The following DNAH7 variants were observed in gnomAD, a reference collection of about 807,000 sequenced individuals.
The protein encoded by DNAH7 is axonemal beta dynein heavy chain 7.
In DNAH7, 397 loss-of-function variants were observed where a neutral mutation model predicts 444.6. That is an observed-to-expected ratio of 0.89 (90% CI 0.82 to 0.97). The LOEUF is 0.97. Among genes scored for constraint, DNAH7 ranks in the 50% least tolerant of loss-of-function variants. The pLI is 0.00. For missense variants in DNAH7, 4,902 were observed against 4,800.8 expected (o/e 1.02, Z -0.62); for synonymous variants, 1,636 against 1,624.4 (o/e 1.01, Z -0.17).
intron 10 of DNAH7, among the ~76,000 whole-genome samples, chr2:196,012,206 G>A (rs1436865071): frequency 6.6e-6 from 1 of 152,074 alleles, no homozygotes; most frequent in Admixed American, 6.6e-5. Context: ...AATGACCCAT[G>A]AGAGAAACAA....
chr2:195,759,958 G>A (rs1402420600), intron 61 of DNAH7, among the ~76,000 whole-genome samples: 2 of 152,184 alleles, frequency 1.3e-5, no homozygotes, highest in Non-Finnish European at 2.9e-5. Context: ...GATTATAGGT[G>A]TGATCCACTG....
chr2:195,778,677 C>CACATATATATACACATATATATAT (rs1695215260), intron 58 of DNAH7, among the ~76,000 whole-genome samples: 16 of 76,880 alleles, frequency 2.1e-4, no homozygotes, highest in African/African-American at 4.4e-4. Flanking sequence ...TATACACACA[C>CACATATATATACACATATATATAT]ACACATATAT....
chr2:195,995,525 G>T, intron 12 of DNAH7: 1 of 302,480 alleles, frequency 3.3e-6, no homozygotes, highest in South Asian at 2.9e-5. Flanking sequence ...CCTAGCTCTA[G>T]GCTTCACTTT....
chr2:196,067,168 T>C (rs1559385669), intron 1 of DNAH7, among the ~76,000 whole-genome samples: 1 of 152,178 alleles, frequency 6.6e-6, no homozygotes, highest in East Asian at 1.9e-4. Context: ...GGGTTTTTTG[T>C]GGATACTTTT....
In DNAH7 at chr2:195,857,738, G is replaced by T. The variant is rs775923035; in HGVS notation, c.8068-15C>A. The T allele has an allele frequency of 5.2e-6, 8 of 1,547,954 alleles. No individual in the cohort carries two copies. Among genetic ancestry groups the T allele is most frequent in the Non-Finnish European group, 6.1e-6 (7 of 1,149,078 alleles). ...ACTGTAATATCCTTGAAATAACAAC[G>T]TTAATTATTTTAAAAGACATGTTTG... is the stretch of plus-strand genomic sequence containing the variant. On this transcript the variant is annotated splice_polypyrimidine_tract_variant and intron_variant, in intron 43 of 64. Coordinates refer to ENST00000312428, the MANE Select transcript of DNAH7 (RefSeq NM_018897.3).
chr2:196,002,412 G>C (rs184471174), intron 10 of DNAH7, among the ~76,000 whole-genome samples: 1 of 151,986 alleles, frequency 6.6e-6, no homozygotes, highest in African/African-American at 2.4e-5. Flanking sequence ...ACAAAGTTTC[G>C]AATGTGTATG....
At chr2:195,839,010 A>C (rs1288317591) in intron 47 of DNAH7, among the ~76,000 whole-genome samples, 3 of 151,970 alleles carry the variant, frequency 2.0e-5, no homozygotes, top group Admixed American at 6.6e-5. Context: ...CATGAACAAC[A>C]GTATCAAGCA....
chr2:195,944,281 A>G (rs189055226), intron 19 of DNAH7, among the ~76,000 whole-genome samples: 8 of 152,256 alleles, frequency 5.3e-5, no homozygotes, highest in Admixed American at 4.6e-4. Context: ...TTTAAATCCA[A>G]TCAAGGATTT....
At position 195,754,611 on chromosome 2, in the gene DNAH7, G is replaced by A. The variant is rs540577445; in HGVS notation, c.11587-97C>T. The A allele has an allele frequency of 4.7e-6, 6 of 1,266,126 alleles. No individual in the cohort carries two copies. In the African/African-American group the frequency reaches 7.7e-5, roughly 16 times the overall value. The allele number at this position is 1,266,126 out of a possible 1,614,324, so 78.4% of individuals were successfully genotyped here. A position where few individuals can be genotyped will look rare whatever the true frequency, so the allele number is the denominator to read the frequency against. ...TCTCTGGTTGCCCAGGCAGGGCTCA[G>A]GTGATCCTCTCACCTCAGCCTCCCA... is the stretch of plus-strand genomic sequence containing the variant. On this transcript the variant is annotated intron_variant, in intron 62 of 64. Coordinates refer to ENST00000312428, the MANE Select transcript of DNAH7 (RefSeq NM_018897.3).
Position 195,970,022 on chromosome 2 carries a change from C to G in DNAH7, c.2131G>C (p.Asp711His), listed in dbSNP as rs1691739430. 6.2e-7 allele frequency: 1 copy of G among 1,612,924 alleles called. No homozygotes were observed. ...KQSEEFYSFG[D>H]LQDVQRYLKK... is the part of the protein sequence containing the mutation. ...AGGTACCGCTGAACATCCTGAAGATCTCCAAATGAATAAAATTCTTCTGAT... is the reference window on the plus strand; with the variant it reads ...AGGTACCGCTGAACATCCTGAAGATGTCCAAATGAATAAAATTCTTCTGAT... Residue 711 changes from aspartate to histidine, a missense_variant, in exon 17 of 65, where the codon GAT (aspartate) becomes CAT (histidine). Transcript: ENST00000312428.
chr2:195,956,277 TATTC>T (rs140766969), intron 19 of DNAH7, among the ~76,000 whole-genome samples: 3,456 of 152,314 alleles, frequency 0.023, 110 homozygotes, highest in African/African-American at 0.079. Flanking sequence ...CAGAAGTTTA[TATTC>T]ATTTAATGAT....
chr2:195,962,456 C>G (rs1016065683), intron 17 of DNAH7, among the ~76,000 whole-genome samples: 6 of 152,106 alleles, frequency 3.9e-5, no homozygotes, highest in Non-Finnish European at 8.8e-5. Context: ...CTCAAATGAT[C>G]CTCCCACTTT....
chr2:195,997,585 C>G (rs1693776415), intron 12 of DNAH7, among the ~76,000 whole-genome samples: 1 of 152,014 alleles, frequency 6.6e-6, no homozygotes, highest in African/African-American at 2.4e-5. Context: ...TGAGACACCT[C>G]CAGATGTTCT....
rs139424552 is a variant in DNAH7, at chr2:195,854,860, TAA to T, written c.8595+949_8595+950del. Among the ~76,000 whole-genome samples the T allele has an allele frequency of 7.1e-3, 1,079 of 152,344 alleles. 6 individuals are homozygous for T. The highest frequency in any genetic ancestry group is 0.024 in the African/African-American group (1,014 of 41,572). On this transcript the variant is annotated intron_variant, in intron 45 of 64. Transcript: ENST00000312428. The stretch of plus-strand genomic sequence containing the variant: ...CATTTGTTGGTTATATTATTTAAAC[TAA>T]AACTGATCATTCAAAAATCATGCCA...
chr2:196,008,412 C>A (rs1389525738), intron 10 of DNAH7, among the ~76,000 whole-genome samples: 3 of 152,130 alleles, frequency 2.0e-5, no homozygotes, highest in African/African-American at 7.2e-5. Flanking sequence ...TATAACCCAG[C>A]AATTTCACTC....
chr2:195,850,258 A>C (rs1699274461), intron 46 of DNAH7, among the ~76,000 whole-genome samples: 1 of 150,268 alleles, frequency 6.7e-6, no homozygotes, highest in Non-Finnish European at 1.5e-5. Flanking sequence ...GATGAGCTAG[A>C]TGGTGGATTT....
chr2:195,973,752 G>T (rs1038445415), intron 15 of DNAH7, among the ~76,000 whole-genome samples: 1 of 152,050 alleles, frequency 6.6e-6, no homozygotes, highest in Non-Finnish European at 1.5e-5. Context: ...AATTACAGGC[G>T]TCAGCCACCG....
intron 10 of DNAH7, among the ~76,000 whole-genome samples, chr2:196,010,486 T>C (rs945745345): frequency 2.0e-5 from 3 of 152,100 alleles, no homozygotes; most frequent in Non-Finnish European, 4.4e-5. Context: ...AACACAAATT[T>C]GTACAACCAC....
Position 195,864,526 on chromosome 2 carries a change from G to A in DNAH7, c.7129C>T (p.His2377Tyr), listed in dbSNP as rs750530109. Residue 2377 changes from histidine (H) to tyrosine (Y), a missense_variant, in exon 41 of 65, where the codon CAT becomes TAT. Physicochemically the swap from His to Tyr is moderately conservative, Grantham distance 83. Transcript: ENST00000312428. ...ISKGYDTTEW[H>Y]EDLKVILRKC... ...CTTAAGATCACTTTTAAATCTTCAT[G>A]CCATTCAGTAGTATCATACCCCTTA... 1 of 1,614,116 alleles carries A rather than the reference G, an allele frequency of 6.2e-7. No individual in the cohort carries two copies. Among genetic ancestry groups the A allele is most frequent in the Non-Finnish European group, 8.5e-7 (1 of 1,180,026 alleles).
Sources: gnomAD v4.1 joint callset for allele counts (sites outside exome capture counted in the v4.1 genomes callset) on GRCh38, gnomAD v4.1.1 for gene constraint, MANE v1.5 for transcripts, NCBI Gene and HGNC (gene_info 2026-07-23, HGNC 2026-07-21) for gene names.